FSTL4: variants seen among roughly 807,000 people sequenced by gnomAD.
FSTL4 encodes follistatin like 4.
In FSTL4, 28 loss-of-function variants were observed where a neutral mutation model predicts 78.2. That is an observed-to-expected ratio of 0.36 (90% CI 0.27 to 0.49). The LOEUF (loss-of-function observed/expected upper bound fraction) is 0.49. Among genes scored for constraint, FSTL4 ranks in the 20% least tolerant of loss-of-function variants. The pLI is 0.98. For missense variants in FSTL4, 922 were observed against 1,084.9 expected, an observed-to-expected ratio of 0.85 and a Z score of 2.11; for synonymous variants, 422 against 440.5, an observed-to-expected ratio of 0.96 and a Z score of 0.53.
At chr5:133,701,307 G>A in the FSTL4 span, among the ~76,000 whole-genome samples, 1 of 151,058 alleles carries the variant, frequency 6.6e-6, no homozygotes, top group Non-Finnish European at 1.5e-5. Flanking sequence ...AGTGGCTGGG[G>A]CAGGAGAATC....
At chr5:133,840,155 T>C in the FSTL4 span, among the ~76,000 whole-genome samples, 1 of 152,244 alleles carries the variant, frequency 6.6e-6, no homozygotes, top group East Asian at 1.9e-4. Context: ...ACCAATCTTT[T>C]GATAATTTAG....
chr5:133,635,537 G>A, the FSTL4 span, among the ~76,000 whole-genome samples: 1 of 152,138 alleles, frequency 6.6e-6, no homozygotes, highest in Admixed American at 6.5e-5. Context: ...GCCAAGGTGG[G>A]CAGATCACCT....
chr5:133,483,995 C>A (rs1758080933), intron 3 of FSTL4, among the ~76,000 whole-genome samples: 1 of 152,242 alleles, frequency 6.6e-6, no homozygotes, highest in Non-Finnish European at 1.5e-5. Flanking sequence ...CCTACCCCCA[C>A]CTCAAATCTC....
chr5:133,564,575 G>A (rs1476303149), intron 3 of FSTL4, among the ~76,000 whole-genome samples: 1 of 152,122 alleles, frequency 6.6e-6, no homozygotes, highest in Non-Finnish European at 1.5e-5. Context: ...AAGGCAGGAG[G>A]GTCTCTGATC....
chr5:133,680,577 A>G, the FSTL4 span, among the ~76,000 whole-genome samples: 1 of 152,192 alleles, frequency 6.6e-6, no homozygotes, highest in Non-Finnish European at 1.5e-5. Context: ...CTCATAGAGG[A>G]CAAGAAACAG....
At position 133,604,634 on chromosome 5, in the gene FSTL4, G is replaced by A. The variant is rs541083346; in HGVS notation, c.-10-641C>T. On this transcript the variant is annotated intron_variant, in intron 1 of 15. Coordinates refer to ENST00000265342, the MANE Select transcript of FSTL4 (RefSeq NM_015082.2). ...TGGGGCAGGAGAATCGCTTGAACTC[G>A]GGAGGCGGAGGTTGCAGTGAGCCGA... 2.5e-4 allele frequency among the ~76,000 whole-genome samples: 38 copies of A among 152,162 alleles called. No individual in the cohort carries two copies. The South Asian group carries it at 7.3e-3, about 29-fold the overall frequency.
At chr5:133,684,258 C>A in the FSTL4 span, among the ~76,000 whole-genome samples, 3 of 152,356 alleles carry the variant, frequency 2.0e-5, no homozygotes, top group South Asian at 6.2e-4. Flanking sequence ...GTCTGGGCAG[C>A]TTCTGCCCTG....
chr5:133,502,585 C>T (rs73283664), intron 3 of FSTL4, among the ~76,000 whole-genome samples: 4,688 of 152,194 alleles, frequency 0.031, 240 homozygotes, highest in African/African-American at 0.1. Flanking sequence ...CTCCCCAGTG[C>T]TGTTCATGTG....
the FSTL4 span, among the ~76,000 whole-genome samples, chr5:133,761,039 C>T: frequency 6.6e-6 from 1 of 152,184 alleles, no homozygotes. Context: ...AATTGATCAC[C>T]GCAGCAAATC....
At chr5:133,615,640 C>T (rs991639228), upstream of FSTL4, among the ~76,000 whole-genome samples, 1 of 152,166 alleles carries the variant, frequency 6.6e-6, no homozygotes, top group African/African-American at 2.4e-5. Flanking sequence ...TGAAGTTTTC[C>T]TCTAAGTCTA....
At chr5:133,576,672 C>G (rs1468235167) in intron 2 of FSTL4, among the ~76,000 whole-genome samples, 4 of 152,166 alleles carry the variant, frequency 2.6e-5, no homozygotes, top group Non-Finnish European at 5.9e-5. Context: ...GCTGAGGAAG[C>G]TCCTGGCTTC....
intron 6 of FSTL4, among the ~76,000 whole-genome samples, chr5:133,255,831 G>A (rs1396162574): frequency 6.6e-6 from 1 of 152,186 alleles, no homozygotes; most frequent in African/African-American, 2.4e-5. Context: ...TCAGTTGTTG[G>A]AGAACTGGGT....
chr5:133,219,198 C>T (rs115851940), intron 12 of FSTL4, among the ~76,000 whole-genome samples: 1,873 of 152,248 alleles, frequency 0.012, 48 homozygotes, highest in African/African-American at 0.043. Flanking sequence ...GGCCAACACT[C>T]ACATGCTAAT....
chr5:133,400,537 T>G (rs1756195562), intron 4 of FSTL4, among the ~76,000 whole-genome samples: 1 of 152,218 alleles, frequency 6.6e-6, no homozygotes. Flanking sequence ...GAGCTTCCTC[T>G]AAGGGCAGGG....
At chr5:133,220,902 G>T in intron 11 of FSTL4, 36 bp from the exon 12 acceptor site, 1 of 1,257,078 alleles carries the variant, frequency 8.0e-7, no homozygotes, top group Non-Finnish European at 1.2e-6. Context: ...TGCCCTCCAA[G>T]CAGTCGGCCC....
At chr5:133,658,753 T>C in the FSTL4 span, among the ~76,000 whole-genome samples, 1 of 152,160 alleles carries the variant, frequency 6.6e-6, no homozygotes, top group Non-Finnish European at 1.5e-5. Context: ...TTCTAGTAAA[T>C]TTATTTAAAG....
chr5:133,615,683 T>C (rs924611889), upstream of FSTL4, among the ~76,000 whole-genome samples: 9 of 152,244 alleles, frequency 5.9e-5, no homozygotes, highest in African/African-American at 2.2e-4. Context: ...TGATAATTCA[T>C]TAATCACCTA....
At chr5:133,217,071 A>G (rs1379182081) in intron 13 of FSTL4, among the ~76,000 whole-genome samples, 158 bp downstream of exon 13, 1 of 152,238 alleles carries the variant, frequency 6.6e-6, no homozygotes, top group Non-Finnish European at 1.5e-5. Flanking sequence ...CCTACATAGT[A>G]GACAATCAAT....
chr5:133,304,871 A>T (rs1038118914), intron 6 of FSTL4, among the ~76,000 whole-genome samples: 1 of 152,174 alleles, frequency 6.6e-6, no homozygotes, highest in Non-Finnish European at 1.5e-5. Context: ...CAGTGCACAG[A>T]TGGGGGCCCC....
Sources: gnomAD v4.1 joint callset for allele counts (sites outside exome capture counted in the v4.1 genomes callset) on GRCh38, gnomAD v4.1.1 for gene constraint, MANE v1.5 for transcripts, NCBI Gene and HGNC (gene_info 2026-07-23, HGNC 2026-07-21) for gene names.